The following CHD9 variants were observed in gnomAD, a reference collection of about 807,000 sequenced individuals.
CHD9 encodes the protein ATP-dependent chromatin remodeler CHD9.
A neutral mutation model predicts 316.1 loss-of-function variants in CHD9; 77 were observed. That is an observed-to-expected ratio of 0.24 (90% CI 0.20 to 0.29). The LOEUF (loss-of-function observed/expected upper bound fraction) is 0.29. CHD9 is among the 10% of genes least tolerant of loss of function. The pLI is 1.00. For synonymous variants in CHD9, 1,129 were observed against 1,158.3 expected (o/e 0.97, Z 0.51); for missense variants, 2,763 against 3,438.1 (o/e 0.80, Z 4.91).
rs781124346 is a variant in CHD9, at chr16:53,303,881, G to T, written c.5875G>T (p.Val1959Phe). ...TTGCCATCCAAATCCAGATTTACCA[G>T]TCTGGTGGGAATGTGGCCCTCATGA... ...KLCHPNPDLP[V>F]WWECGPHDRD... The change falls in exon 31 of 39, where the codon GTC (valine) becomes TTC (phenylalanine). Residue 1959 changes from valine (V) to phenylalanine (F), a missense_variant. Around this residue, in one of 15 missense-constraint regions of CHD9, gnomAD observed 663 missense variants for 751.2 expected, o/e 0.88. Coordinates refer to ENST00000447540, the MANE Select transcript of CHD9 (RefSeq NM_001308319.2). The T allele has an allele frequency of 2.2e-5, 35 of 1,614,016 alleles. No homozygotes were observed. The South Asian group carries it at 3.5e-4, about 16-fold the overall frequency.
chr16:53,202,616 T>C (rs771068871), intron 2 of CHD9, among the ~76,000 whole-genome samples: 13 of 152,212 alleles, frequency 8.5e-5, no homozygotes, highest in Non-Finnish European at 1.5e-4. Flanking sequence ...TTTTTCCCTG[T>C]GCTTCCTGTA....
chr16:53,181,068 TG>T (rs923323621), intron 2 of CHD9, among the ~76,000 whole-genome samples: 14 of 151,014 alleles, frequency 9.3e-5, no homozygotes, highest in African/African-American at 3.2e-4. Flanking sequence ...TGGAGTGCAA[TG>T]GTCCGATCTC....
At chr16:53,270,346 G>A (rs1444073488) in intron 22 of CHD9, among the ~76,000 whole-genome samples, 1 of 151,852 alleles carries the variant, frequency 6.6e-6, no homozygotes, top group Non-Finnish European at 1.5e-5. Context: ...TAACTAATTA[G>A]AATGTTGAAT....
At chr16:53,081,839 G>GTGAATGAATGAATGAATGAA (rs57324357) in intron 1 of CHD9, among the ~76,000 whole-genome samples, 8 of 150,088 alleles carry the variant, frequency 5.3e-5, no homozygotes, top group African/African-American at 1.2e-4. Context: ...TGTCAAGTTT[G>GTGAATGAATGAATGAATGAA]TGAATGAATG....
chr16:53,067,194 C>T (rs778825794), intron 1 of CHD9, among the ~76,000 whole-genome samples: 9 of 152,150 alleles, frequency 5.9e-5, no homozygotes, highest in Non-Finnish European at 1.0e-4. Flanking sequence ...CTGCCTGCCT[C>T]GACTTCCCAA....
chr16:53,083,354 C>G (rs1402516132), intron 1 of CHD9, among the ~76,000 whole-genome samples: 1 of 152,192 alleles, frequency 6.6e-6, no homozygotes, highest in Non-Finnish European at 1.5e-5. Flanking sequence ...TCTCCTTCCA[C>G]TCATCTTTCT....
At chr16:53,262,206 A>G (rs1373087409) in intron 19 of CHD9, among the ~76,000 whole-genome samples, 3 of 152,106 alleles carry the variant, frequency 2.0e-5, no homozygotes, top group South Asian at 2.1e-4. Context: ...TGTATCTTCA[A>G]TGCTTCTTTC....
At chr16:53,201,509 G>A (rs17394050) in intron 2 of CHD9, among the ~76,000 whole-genome samples, 42,308 of 151,994 alleles carry the variant, frequency 0.28, 5,978 homozygotes, top group Middle Eastern at 0.32. Context: ...TAACACCGTT[G>A]ATAATCTAGT....
chr16:53,220,026 T>C (rs915672071), intron 3 of CHD9, among the ~76,000 whole-genome samples: 3 of 152,174 alleles, frequency 2.0e-5, no homozygotes, highest in Non-Finnish European at 4.4e-5. Flanking sequence ...ATATGGGGTC[T>C]AACAGTAAAT....
At chr16:53,309,589 C>T (rs769239127) in intron 34 of CHD9, among the ~76,000 whole-genome samples, 41 of 152,110 alleles carry the variant, frequency 2.7e-4, no homozygotes, top group Admixed American at 1.3e-4. Flanking sequence ...CTGTGTACTC[C>T]GTAGGCATTG....
At chr16:53,105,336 A>G (rs1377023937) in intron 1 of CHD9, among the ~76,000 whole-genome samples, 3 of 152,174 alleles carry the variant, frequency 2.0e-5, no homozygotes, top group Non-Finnish European at 2.9e-5. Flanking sequence ...ATGTAAATGT[A>G]TATAAGCAAA....
intron 38 of CHD9, among the ~76,000 whole-genome samples, 200 bp downstream of exon 38, chr16:53,321,830 T>G (rs2057287654): frequency 6.6e-6 from 1 of 152,062 alleles, no homozygotes; most frequent in African/African-American, 2.4e-5. Context: ...TACTGATTTG[T>G]TTTTACATTA....
chr16:53,211,872 A>G (rs952628255), intron 3 of CHD9, among the ~76,000 whole-genome samples: 1 of 152,238 alleles, frequency 6.6e-6, no homozygotes, highest in South Asian at 2.1e-4. Flanking sequence ...CCAATAAGCC[A>G]CTATACTTTG....
In CHD9 at chr16:53,224,089, A is replaced by G. The variant is rs186916364; in HGVS notation, c.1896+1334A>G. Among the ~76,000 whole-genome samples the G allele has an allele frequency of 1.4e-4, 22 of 152,310 alleles. No individual in the cohort carries two copies. In the East Asian group the frequency reaches 3.9e-3, roughly 27 times the overall value. Reference sequence around the variant, plus strand: ...TGCAATGTTAAAATAGTGAAGTACTATATTAGTCACTTAAAACGTGCTTCT... The same window carrying G: ...TGCAATGTTAAAATAGTGAAGTACTGTATTAGTCACTTAAAACGTGCTTCT... On this transcript the variant is annotated intron_variant, in intron 4 of 38. Transcript: ENST00000447540.
chr16:53,132,218 T>C (rs1186703057), intron 1 of CHD9, among the ~76,000 whole-genome samples: 3 of 152,210 alleles, frequency 2.0e-5, no homozygotes, highest in South Asian at 2.1e-4. Context: ...ACAGTTACTT[T>C]CCTGAAAGTC....
At chr16:53,223,241 T>C (rs1450496311) in intron 4 of CHD9, among the ~76,000 whole-genome samples, 2 of 143,074 alleles carry the variant, frequency 1.4e-5, no homozygotes, top group African/African-American at 2.7e-5. Context: ...AGAAATACTA[T>C]GCATTTTGCC....
At position 53,246,517 on chromosome 16, in the gene CHD9, G is replaced by GTTTGTT. The variant is rs1034068361; in HGVS notation, c.3454+682_3454+687dup. Among the ~76,000 whole-genome samples the GTTTGTT allele has an allele frequency of 4.0e-5, 6 of 150,416 alleles. No individual in the cohort carries two copies. The East Asian group carries it at 7.8e-4, about 20-fold the overall frequency. On this transcript the variant is annotated intron_variant, in intron 15 of 38. Coordinates refer to ENST00000447540, the MANE Select transcript of CHD9 (RefSeq NM_001308319.2). ...TTTTCTGTGTTTTTTTGTTGTTGTT[G>GTTTGTT]TTTGTTTTTGTTTTTGTTTTAAGAT... is the stretch of plus-strand genomic sequence containing the variant.
chr16:53,266,089 C>A (rs2051657625), intron 20 of CHD9, among the ~76,000 whole-genome samples: 1 of 150,810 alleles, frequency 6.6e-6, no homozygotes. Flanking sequence ...AAAAAATCAC[C>A]ATGAATCAAC....
rs116622947 is a variant in CHD9, at chr16:53,149,362, C to T, written c.-164-6564C>T. Among the ~76,000 whole-genome samples the T allele has an allele frequency of 2.9e-3, 436 of 152,002 alleles. 4 individuals carry two copies. The highest frequency in any genetic ancestry group is 0.01 in the African/African-American group (419 of 41,460). ...ATTGAAAATGAGATATTTAAGTCTC[C>T]GACTATTGTAGAACTTTCTACAACT... On this transcript the variant is annotated intron_variant, in intron 1 of 38. Coordinates refer to ENST00000447540, the MANE Select transcript of CHD9 (RefSeq NM_001308319.2).
Sources: allele counts gnomAD v4.1 joint callset (sites outside exome capture counted in the v4.1 genomes callset), GRCh38; gene constraint gnomAD v4.1.1; regional missense constraint gnomAD v4.1.1; transcripts MANE v1.5; gene names NCBI Gene and HGNC (gene_info 2026-07-23, HGNC 2026-07-21).